Variants in ADCY9 observed in about 807,000 individuals in gnomAD.
ADCY9 encodes the protein adenylate cyclase 9.
ADCY9 carries 50 observed loss-of-function variants against 101.5 expected under a neutral mutation model. That is an observed-to-expected ratio of 0.49 (90% CI 0.39 to 0.62). The LOEUF is 0.62. Among genes scored for constraint, ADCY9 ranks in the 20% least tolerant of loss-of-function variants. The pLI is 0.00. For missense variants in ADCY9, 1,662 were observed against 1,800.4 expected, an observed-to-expected ratio of 0.92 and a Z score of 1.39; for synonymous variants, 905 against 769.3, an observed-to-expected ratio of 1.18 and a Z score of -2.92.
intron 3 of ADCY9, among the ~76,000 whole-genome samples, chr16:3,995,954 C>G (rs367607802): frequency 2.0e-5 from 3 of 152,220 alleles, no homozygotes; most frequent in African/African-American, 2.4e-5. Flanking sequence ...ATAACATTTG[C>G]TTACAGCTCT....
intron 3 of ADCY9, among the ~76,000 whole-genome samples, chr16:4,000,042 G>C (rs923356194): frequency 6.6e-6 from 1 of 152,162 alleles, no homozygotes; most frequent in Non-Finnish European, 1.5e-5. Context: ...TGCCTGCTTC[G>C]TCTTCTCAAC....
At chr16:4,041,194 T>C (rs2056624314) in intron 2 of ADCY9, among the ~76,000 whole-genome samples, 1 of 152,098 alleles carries the variant, frequency 6.6e-6, no homozygotes, top group African/African-American at 2.4e-5. Context: ...TCTACCCTTA[T>C]TTTTTCCTTC....
At chr16:4,064,567 G>T (rs1214456244) in intron 2 of ADCY9, among the ~76,000 whole-genome samples, 3 of 152,072 alleles carry the variant, frequency 2.0e-5, no homozygotes, top group Non-Finnish European at 4.4e-5. Flanking sequence ...CAGTTTCCTG[G>T]GCTCAAGCAA....
chr16:4,080,199 C>T (rs571179274), intron 2 of ADCY9, among the ~76,000 whole-genome samples: 3 of 152,014 alleles, frequency 2.0e-5, no homozygotes, highest in Non-Finnish European at 4.4e-5. Context: ...AAAAAAATTA[C>T]CACCTGTACC....
At chr16:3,998,273 C>T (rs535487366) in intron 3 of ADCY9, among the ~76,000 whole-genome samples, 14 of 152,020 alleles carry the variant, frequency 9.2e-5, no homozygotes, top group African/African-American at 3.4e-4. Flanking sequence ...TAGCTGGGCA[C>T]AGTGGTGTGT....
chr16:4,039,405 G>A (rs2141764586), intron 2 of ADCY9, among the ~76,000 whole-genome samples: 1 of 152,188 alleles, frequency 6.6e-6, no homozygotes, highest in African/African-American at 2.4e-5. Context: ...CAGGCCAGGT[G>A]CGGTGGCTCA....
At chr16:4,071,025 G>T (rs1199489065) in intron 2 of ADCY9, among the ~76,000 whole-genome samples, 1 of 151,122 alleles carries the variant, frequency 6.6e-6, no homozygotes, top group African/African-American at 2.4e-5. Context: ...CAAAGAGGCG[G>T]GGTTACAAAG....
rs1197624146 is a variant in ADCY9, at chr16:3,964,585, C to T, written c.*1190G>A. 3.9e-5 allele frequency: 6 copies of T among 152,354 alleles called. No homozygotes were observed. Among genetic ancestry groups the T allele is most frequent in the Admixed American group, 3.3e-4 (5 of 15,282 alleles). 9.4% of individuals were successfully genotyped at this position (152,354 alleles called of 1,614,324 possible). A position where few individuals can be genotyped will look rare whatever the true frequency, so the allele number is the denominator to read the frequency against. ...GGAATTTGTGGAAGCCAAGATGGCA[C>T]CGGTGCTGCCGGCACAGACCCCCGT... On this transcript the variant is annotated 3_prime_UTR_variant, in exon 11 of 11. Coordinates refer to ENST00000294016, the MANE Select transcript of ADCY9 (RefSeq NM_001116.4).
intron 10 of ADCY9, among the ~76,000 whole-genome samples, chr16:3,969,569 A>AATATATATATATATATATATATAT (rs57260468): frequency 6.6e-5 from 3 of 45,224 alleles, no homozygotes; most frequent in Non-Finnish European, 8.8e-5. Context: ...GTTTGTTTGA[A>AATATATATATATATATATATATAT]ATATATATAT....
intron 2 of ADCY9, among the ~76,000 whole-genome samples, chr16:4,023,363 A>G (rs2056491210): frequency 6.6e-6 from 1 of 152,186 alleles, no homozygotes; most frequent in Non-Finnish European, 1.5e-5. Flanking sequence ...AATACCCAAC[A>G]TGCGGTTTGG....
chr16:4,029,078 C>T (rs527519369), intron 2 of ADCY9, among the ~76,000 whole-genome samples: 2 of 152,238 alleles, frequency 1.3e-5, no homozygotes, highest in South Asian at 2.1e-4. Flanking sequence ...CCACTGCGCC[C>T]GGCCTAGCTA....
intron 6 of ADCY9, among the ~76,000 whole-genome samples, chr16:3,988,292 G>T (rs1376737118): frequency 6.6e-6 from 1 of 152,044 alleles, no homozygotes; most frequent in Non-Finnish European, 1.5e-5. Flanking sequence ...GGAACATGGA[G>T]CCGGAGTTAG....
At position 4,115,047 on chromosome 16, in the gene ADCY9, G is replaced by A. The variant is rs1393106457; in HGVS notation, c.396C>T (p.Ile132=). Residue 132 remains isoleucine (I), a synonymous_variant, in exon 2 of 11, where the codon ATC becomes ATT. Transcript: ENST00000294016. The surrounding 1 kb of genome is among the most constrained non-coding windows in gnomAD (Gnocchi z 6.2). ...TGGATCTCATGTGGACCGCAAAATAGATGCTCCACAGAAGGCAGGCGAAGC... is the reference window on the plus strand; with the variant it reads ...TGGATCTCATGTGGACCGCAAAATAAATGCTCCACAGAAGGCAGGCGAAGC... ...YIGFACLLWS[I]YFAVHMRSRL... 1 of 1,614,012 alleles carries A rather than the reference G, an allele frequency of 6.2e-7. No individual in the cohort carries two copies. Among genetic ancestry groups the A allele is most frequent in the African/African-American group, 1.3e-5 (1 of 74,944 alleles).
chr16:4,057,504 G>A (rs117442421), intron 2 of ADCY9, among the ~76,000 whole-genome samples: 2,291 of 152,126 alleles, frequency 0.015, 30 homozygotes, highest in Middle Eastern at 0.024. Context: ...GCCGGCCACC[G>A]TTCTGTCTCT....
intron 2 of ADCY9, among the ~76,000 whole-genome samples, chr16:4,103,359 G>C (rs777530970): frequency 3.3e-5 from 5 of 152,210 alleles, no homozygotes; most frequent in Admixed American, 1.3e-4. Context: ...ATGACACTAA[G>C]ACAGCATTTG....
intron 2 of ADCY9, among the ~76,000 whole-genome samples, chr16:4,044,671 A>G (rs2056650331): frequency 6.6e-6 from 1 of 152,216 alleles, no homozygotes; most frequent in Non-Finnish European, 1.5e-5. Flanking sequence ...ATAGATCCCA[A>G]CAGAGAAGGC....
intron 2 of ADCY9, among the ~76,000 whole-genome samples, chr16:4,088,220 C>A (rs541726165): frequency 6.6e-6 from 1 of 152,190 alleles, no homozygotes; most frequent in South Asian, 2.1e-4. Flanking sequence ...ATACATCGGT[C>A]TCATGGTCAG....
intron 2 of ADCY9, among the ~76,000 whole-genome samples, chr16:4,046,837 C>CA (rs1258370177): frequency 3.3e-5 from 5 of 150,176 alleles, no homozygotes; most frequent in Non-Finnish European, 7.4e-5. Flanking sequence ...AACAAAACAA[C>CA]AAAAAAAAAG....
In ADCY9 at chr16:4,115,554, G is replaced by C; in HGVS notation, c.-43-69C>G. Reference sequence around the variant, plus strand: ...ATGCACGCCTAGAGGCCCGGGACCTGCTCCTGTCCTAAGGGGCGGCTCCAG... The same window carrying C: ...ATGCACGCCTAGAGGCCCGGGACCTCCTCCTGTCCTAAGGGGCGGCTCCAG... On this transcript the variant is annotated intron_variant, in intron 1 of 10. Coordinates refer to ENST00000294016, the MANE Select transcript of ADCY9 (RefSeq NM_001116.4). This position sits in a 1 kb window ranked among gnomAD's most constrained non-coding sequence, Gnocchi z 6.2. 1 of 1,329,200 alleles carries C rather than the reference G, an allele frequency of 7.5e-7. No homozygotes were observed. The allele number at this position is 1,329,200 out of a possible 1,614,324, so 82.3% of individuals were successfully genotyped here. A position where few individuals can be genotyped will look rare whatever the true frequency, so the allele number is the denominator to read the frequency against.
Sources: gnomAD v4.1 joint callset for allele counts (sites outside exome capture counted in the v4.1 genomes callset) on GRCh38, gnomAD v4.1.1 for gene constraint, Gnocchi (gnomAD v3.1) non-coding constraint, MANE v1.5 for transcripts, NCBI Gene and HGNC (gene_info 2026-07-23, HGNC 2026-07-21) for gene names.